Variants in DNAH8 observed in about 807,000 individuals in gnomAD.
DNAH8 encodes dynein axonemal heavy chain 8, also known as axonemal beta dynein heavy chain 8.
In DNAH8, 382 loss-of-function variants were observed where a neutral mutation model predicts 562.1. The observed-to-expected ratio is 0.68, with a 90% CI of 0.63 to 0.74. The LOEUF (loss-of-function observed/expected upper bound fraction) is 0.74, where lower values mean the gene tolerates loss of function less well. Ranked by LOEUF, DNAH8 falls within the 30% of genes least tolerant of loss-of-function variation. The pLI is 0.00. For missense variants in DNAH8, 5,203 were observed against 5,620.4 expected (o/e 0.93, Z 2.37); for synonymous variants, 1,881 against 1,919.4 (o/e 0.98, Z 0.52).
intron 21 of DNAH8, among the ~76,000 whole-genome samples, chr6:38,795,532 A>C (rs551355424): frequency 6.6e-6 from 1 of 151,776 alleles, no homozygotes; most frequent in African/African-American, 2.4e-5. Context: ...GTGAGCTGAG[A>C]TCTCACCACT....
At position 38,908,050 on chromosome 6, in the gene DNAH8, T is replaced by A; in HGVS notation, c.9443T>A (p.Phe3148Tyr). 1 of 1,612,050 alleles carries A rather than the reference T, an allele frequency of 6.2e-7. No individual in the cohort carries two copies. Among genetic ancestry groups the A allele is most frequent in the Non-Finnish European group, 8.5e-7 (1 of 1,179,000 alleles). Residue 3148 changes from phenylalanine to tyrosine, a missense_variant, in exon 64 of 93, where the codon TTT becomes TAT. By Grantham distance (22) the Phe-to-Tyr change is conservative (BLOSUM62 3). Coordinates refer to ENST00000327475, the MANE Select transcript of DNAH8 (RefSeq NM_001206927.2). Reference sequence around the variant, plus strand: ...GAGCTACCTCGCCATCCTCCTACCTTTGATAATTTGTATGAATACTTCATT... The same window carrying A: ...GAGCTACCTCGCCATCCTCCTACCTATGATAATTTGTATGAATACTTCATT... ...KRELPRHPPT[F>Y]DNLYEYFISR...
In DNAH8 at chr6:38,848,669, A is replaced by T. The variant is rs1275583554; in HGVS notation, c.5067A>T (p.Lys1689Asn). ...TTAGATACAATGCTCCATTTAAAAA[A>T]AATATCCAGAATTGGGTGTATAAAT... ...LSNRYNAPFK[K>N]NIQNWVYKLS... Residue 1689 changes from lysine (K) to asparagine (N), a missense_variant, in exon 37 of 93, where the codon AAA (lysine) becomes AAT (asparagine). Physicochemically the swap from Lys to Asn is moderately conservative, Grantham distance 94. This residue lies in a region of DNAH8 where 2,176 missense variants were observed against 2,365.1 expected (regional missense o/e 0.92). Coordinates refer to ENST00000327475, the MANE Select transcript of DNAH8 (RefSeq NM_001206927.2). The T allele has an allele frequency of 6.2e-7, 1 of 1,610,942 alleles. No homozygotes were observed. Among genetic ancestry groups the T allele is most frequent in the Non-Finnish European group, 8.5e-7 (1 of 1,177,710 alleles).
intron 62 of DNAH8, among the ~76,000 whole-genome samples, chr6:38,905,775 T>G (rs1780412848): frequency 6.6e-6 from 1 of 152,226 alleles, no homozygotes; most frequent in African/African-American, 2.4e-5. Context: ...TTAGCTCTAA[T>G]CTCTGTGTTT....
At chr6:39,016,910 G>T (rs1191095612) in intron 91 of DNAH8, among the ~76,000 whole-genome samples, 1 of 152,160 alleles carries the variant, frequency 6.6e-6, no homozygotes, top group Non-Finnish European at 1.5e-5. Flanking sequence ...TTTGCCTTAT[G>T]GGTGGCCTGA....
chr6:38,787,310 A>G (rs909521181), intron 18 of DNAH8, among the ~76,000 whole-genome samples: 17 of 152,174 alleles, frequency 1.1e-4, no homozygotes, highest in African/African-American at 4.1e-4. Context: ...TGGGGTGACT[A>G]TACAATACAA....
At chr6:38,804,984 A>G (rs1771139979) in intron 22 of DNAH8, among the ~76,000 whole-genome samples, 1 of 152,056 alleles carries the variant, frequency 6.6e-6, no homozygotes, top group African/African-American at 2.4e-5. Context: ...GCTGTTAAAC[A>G]TCCTACAGGA....
At chr6:38,849,636 C>T (rs1010085177) in intron 37 of DNAH8, among the ~76,000 whole-genome samples, 1 of 145,466 alleles carries the variant, frequency 6.9e-6, no homozygotes, top group African/African-American at 2.5e-5. Context: ...AAACATTAAA[C>T]TGAAATGTAT....
At chr6:38,896,270 T>A (rs1779680579) in intron 60 of DNAH8, 45 bp downstream of exon 60, 1 of 1,474,092 alleles carries the variant, frequency 6.8e-7, no homozygotes, top group Admixed American at 1.7e-5. Context: ...ATTGCTCACC[T>A]GACTAGATCT....
intron 83 of DNAH8, chr6:38,972,148 G>A (rs1373291437): frequency 6.6e-6 from 1 of 152,302 alleles, no homozygotes; most frequent in Non-Finnish European, 1.5e-5. Flanking sequence ...GGAGTGTTGA[G>A]AGAGATTTCC....
At chr6:38,770,325 G>A (rs572530303) in intron 11 of DNAH8, 88 bp from the exon 12 acceptor site, 2 of 788,162 alleles carry the variant, frequency 2.5e-6, no homozygotes, top group South Asian at 1.9e-5. Flanking sequence ...AGTTTGATCA[G>A]TTCTGTGTGA....
chr6:38,971,754 A>G (rs573407322), intron 83 of DNAH8, 89 bp downstream of exon 83: 2 of 1,018,562 alleles, frequency 2.0e-6, no homozygotes, highest in African/African-American at 3.3e-5. Context: ...GTGATGCTCA[A>G]TCCTGGTTTT....
intron 15 of DNAH8, 75 bp from the exon 16 acceptor site, chr6:38,781,179 A>G (rs1333473359): frequency 6.7e-7 from 1 of 1,498,478 alleles, no homozygotes; most frequent in Non-Finnish European, 9.2e-7. Context: ...AAAACAATAC[A>G]AATATAGCTG....
intron 9 of DNAH8, among the ~76,000 whole-genome samples, chr6:38,755,689 T>A (rs182008570): frequency 4.6e-5 from 7 of 152,298 alleles, no homozygotes; most frequent in Admixed American, 3.3e-4. Flanking sequence ...GATAAACTTT[T>A]AAGTTCAGAT....
chr6:38,786,510 C>T (rs894228995), intron 17 of DNAH8, among the ~76,000 whole-genome samples: 2 of 152,196 alleles, frequency 1.3e-5, no homozygotes, highest in African/African-American at 4.8e-5. Context: ...CAATTCATAG[C>T]ACAAAGCACC....
At chr6:38,967,915 G>A (rs975014927) in intron 82 of DNAH8, among the ~76,000 whole-genome samples, 1 of 152,070 alleles carries the variant, frequency 6.6e-6, no homozygotes, top group Non-Finnish European at 1.5e-5. Flanking sequence ...TGTGATATGG[G>A]CATAAAGATA....
intron 32 of DNAH8, among the ~76,000 whole-genome samples, chr6:38,834,937 AG>A (rs1221973839): frequency 6.6e-6 from 1 of 152,238 alleles, no homozygotes; most frequent in Non-Finnish European, 1.5e-5. Context: ...ATCATAGTAT[AG>A]TAAAATTTAT....
intron 90 of DNAH8, 21 bp from the exon 91 acceptor site, chr6:39,012,426 GT>G: frequency 6.2e-7 from 1 of 1,610,098 alleles, no homozygotes; most frequent in Non-Finnish European, 8.5e-7. Flanking sequence ...TTATTCATGT[GT>G]TTTAACTTTT....
At position 38,790,294 on chromosome 6, in the gene DNAH8, A is replaced by C. The variant is rs753704728; in HGVS notation, c.2670A>C (p.Glu890Asp). 6.3e-7 allele frequency: 1 copy of C among 1,592,720 alleles called. No homozygotes were observed. The highest frequency in any genetic ancestry group is 2.2e-5 in the East Asian group (1 of 44,702). The stretch of plus-strand genomic sequence containing the variant: ...TGTGTTTTTACCGTTTCTAGGTGGA[A>C]TCTGTGTTGAGGCAAGGACTCACAG... Reference protein sequence around the residue: ...NLMTPKMKKVESVLRQGLTVL... With the variant: ...NLMTPKMKKVDSVLRQGLTVL... The change falls in exon 20 of 93, where the codon GAA (glutamate) becomes GAC (aspartate). Residue 890 changes from glutamate (E) to aspartate (D), a missense_variant. This residue lies in a region of DNAH8 where 2,176 missense variants were observed against 2,365.1 expected (regional missense o/e 0.92). Transcript: ENST00000327475.
intron 85 of DNAH8, among the ~76,000 whole-genome samples, chr6:38,975,614 C>T (rs1336835382): frequency 6.6e-6 from 1 of 152,176 alleles, no homozygotes; most frequent in Non-Finnish European, 1.5e-5. Context: ...CCTCCCAACA[C>T]TGAGAAAGTT....
Sources: allele counts gnomAD v4.1 joint callset (sites outside exome capture counted in the v4.1 genomes callset), GRCh38; gene constraint gnomAD v4.1.1; regional missense constraint gnomAD v4.1.1; transcripts MANE v1.5; gene names NCBI Gene and HGNC (gene_info 2026-07-23, HGNC 2026-07-21).